IL1RAP: variants seen among roughly 807,000 people sequenced by gnomAD.
The protein encoded by IL1RAP is interleukin-1 receptor accessory protein.
Under a neutral mutation model 60.7 loss-of-function variants are expected in IL1RAP, and 35 were observed. The ratio of observed to expected loss-of-function variants is 0.58; its 90% CI spans 0.44 to 0.76. IL1RAP has a LOEUF of 0.76. Among genes scored for constraint, IL1RAP ranks in the 30% least tolerant of loss-of-function variants. The probability of loss-of-function intolerance (pLI) is 0.00; values close to 1 mark genes in which losing one functional copy is unlikely to be tolerated. For missense variants in IL1RAP, 572 were observed against 693.9 expected (o/e 0.82, Z 1.97); for synonymous variants, 268 against 250.9 (o/e 1.07, Z -0.64).
exon 12 of IL1RAP, chr3:190,659,738 A>T (rs1734724468): frequency 6.6e-6 from 1 of 152,204 alleles, no homozygotes; most frequent in African/African-American, 2.4e-5. Flanking sequence ...TAAAGATACT[A>T]TTATCAACCT....
chr3:190,517,064 T>A (rs1721587640), intron 1 of IL1RAP, among the ~76,000 whole-genome samples: 1 of 152,206 alleles, frequency 6.6e-6, no homozygotes, highest in Admixed American at 6.5e-5. Context: ...GGATATCCTT[T>A]TTGTTGAAAA....
At chr3:190,656,199 T>C (rs866352391), downstream of IL1RAP, 4 of 1,537,142 alleles carry the variant, frequency 2.6e-6, no homozygotes, top group African/African-American at 2.7e-5. Flanking sequence ...TGAGTGCCAG[T>C]TCTGGCTGGA....
intron 1 of IL1RAP, among the ~76,000 whole-genome samples, chr3:190,522,337 CCTTCCTCCCTCCCTCCCTTCGTTCCT>C (rs1440741937): frequency 6.3e-5 from 9 of 143,948 alleles, no homozygotes; most frequent in African/African-American, 2.6e-4. Context: ...TTCCTTCCTT[CCTTCCTCCCTCCCTCCCTTCGTTCCT>C]CTTCCTTCCT....
chr3:190,604,811 C>T (rs1730160633), intron 4 of IL1RAP, among the ~76,000 whole-genome samples: 3 of 152,166 alleles, frequency 2.0e-5, no homozygotes, highest in Admixed American at 2.0e-4. Context: ...AAGTACTTGG[C>T]ACAGAAGAGA....
intron 2 of IL1RAP, among the ~76,000 whole-genome samples, chr3:190,560,036 T>C (rs1433124788): frequency 6.6e-6 from 1 of 152,178 alleles, no homozygotes; most frequent in Non-Finnish European, 1.5e-5. Context: ...CCCTGTAAAC[T>C]CCACAAAAGA....
rs948796813 is a variant in IL1RAP at position 190,626,904 on chromosome 3, A to T, written c.776-419A>T. On this transcript the variant is annotated intron_variant, in intron 7 of 11. Coordinates refer to ENST00000447382, the MANE Select transcript of IL1RAP (RefSeq NM_002182.4). Reference sequence around the variant, plus strand: ...AGGCTGGTCTTGAACTCCTCACCTCAAGTGATCCACCTGCCTCGGCCTCCC... The same window carrying T: ...AGGCTGGTCTTGAACTCCTCACCTCTAGTGATCCACCTGCCTCGGCCTCCC... 2.6e-5 allele frequency among the ~76,000 whole-genome samples: 4 copies of T among 152,020 alleles called. No individual in the cohort carries two copies. The South Asian group carries it at 6.2e-4, about 24-fold the overall frequency.
At chr3:190,566,226 A>C (rs969635503) in intron 3 of IL1RAP, among the ~76,000 whole-genome samples, 1 of 152,198 alleles carries the variant, frequency 6.6e-6, no homozygotes. Flanking sequence ...ATAGGTGTTA[A>C]ATGGTTGAAT....
At chr3:190,628,414 T>G (rs1393630880) in intron 8 of IL1RAP, among the ~76,000 whole-genome samples, 1 of 152,188 alleles carries the variant, frequency 6.6e-6, no homozygotes, top group Non-Finnish European at 1.5e-5. Context: ...TCAGTGTTCA[T>G]AGGATAGCAG....
Position 190,605,298 on chromosome 3 carries a change from CTCTTT to C in IL1RAP, c.350+887_350+891del, listed in dbSNP as rs1302183751. The stretch of plus-strand genomic sequence containing the variant: ...TTTTATATTTTACTCTTCAGTATTC[CTCTTT>C]TTTTTTTCTGCATTAATGTTGTTTT... On this transcript the variant is annotated intron_variant, in intron 4 of 11. Coordinates refer to ENST00000447382, the MANE Select transcript of IL1RAP (RefSeq NM_002182.4). Among the ~76,000 whole-genome samples the C allele has an allele frequency of 4.4e-5, 4 of 90,940 alleles. No homozygotes were observed. The East Asian group carries it at 2.5e-3, about 56-fold the overall frequency. 59.7% of individuals were successfully genotyped at this position (90,940 alleles called of 152,430 possible).
At chr3:190,536,904 T>C (rs1395898658) in intron 1 of IL1RAP, among the ~76,000 whole-genome samples, 2 of 152,146 alleles carry the variant, frequency 1.3e-5, no homozygotes, top group Non-Finnish European at 2.9e-5. Context: ...AACAGTTATA[T>C]GTGAAAAAAT....
At chr3:190,572,855 C>CTTTTTTTTTTTTTT (rs1337681913) in intron 3 of IL1RAP, among the ~76,000 whole-genome samples, 1 of 57,590 alleles carries the variant, frequency 1.7e-5, no homozygotes, top group Non-Finnish European at 3.3e-5. Context: ...AGGGTTAATG[C>CTTTTTTTTTTTTTT]TTTGTTTTTT....
intron 1 of IL1RAP, chr3:190,555,801 G>A (rs1725362919): frequency 6.6e-6 from 1 of 152,214 alleles, no homozygotes; most frequent in African/African-American, 2.4e-5. Context: ...TGAATTAAAA[G>A]TAGTGTTTGA....
chr3:190,574,059 A>T (rs913527189), intron 3 of IL1RAP, among the ~76,000 whole-genome samples: 6 of 152,190 alleles, frequency 3.9e-5, no homozygotes, highest in African/African-American at 9.7e-5. Context: ...ATGCACTGTC[A>T]TTTAAAATAC....
chr3:190,546,771 G>A (rs1180760894), intron 1 of IL1RAP, among the ~76,000 whole-genome samples: 1 of 152,206 alleles, frequency 6.6e-6, no homozygotes, highest in African/African-American at 2.4e-5. Context: ...TGAGCCCTAT[G>A]CAAATTGGAG....
intron 7 of IL1RAP, chr3:190,624,699 C>T: frequency 4.7e-6 from 1 of 212,942 alleles, no homozygotes. Context: ...ATGCATCCTC[C>T]ACTTGACACA....
chr3:190,655,864 G>C, downstream of IL1RAP: 1 of 1,490,182 alleles, frequency 6.7e-7, no homozygotes. Flanking sequence ...ACTATACATT[G>C]TCCTATATTT....
At chr3:190,572,879 T>TTTTTTTTTTTG (rs1727081771) in intron 3 of IL1RAP, among the ~76,000 whole-genome samples, 1 of 73,680 alleles carries the variant, frequency 1.4e-5, no homozygotes, top group Non-Finnish European at 2.9e-5. Context: ...TTTTTTTTTT[T>TTTTTTTTTTTG]TTGAGACGGA....
At chr3:190,576,459 G>T (rs1727458838) in intron 3 of IL1RAP, among the ~76,000 whole-genome samples, 1 of 152,134 alleles carries the variant, frequency 6.6e-6, no homozygotes, top group African/African-American at 2.4e-5. Flanking sequence ...GTCAAAAACA[G>T]ATCAACACAA....
intron 7 of IL1RAP, among the ~76,000 whole-genome samples, chr3:190,626,903 C>A (rs1264812197): frequency 1.3e-5 from 2 of 152,078 alleles, no homozygotes; most frequent in Admixed American, 6.6e-5. Context: ...CTCCTCACCT[C>A]AAGTGATCCA....
Sources: gnomAD v4.1 joint callset for allele counts (sites outside exome capture counted in the v4.1 genomes callset) on GRCh38, gnomAD v4.1.1 for gene constraint, MANE v1.5 for transcripts, NCBI Gene and HGNC (gene_info 2026-07-23, HGNC 2026-07-21) for gene names.